The following PARN variants were observed in gnomAD, a reference collection of about 807,000 sequenced individuals.
The protein encoded by PARN is poly(A)-specific ribonuclease PARN.
In PARN, 71 loss-of-function variants were observed where a neutral mutation model predicts 102.8. The ratio of observed to expected loss-of-function variants is 0.69; its 90% CI spans 0.57 to 0.84. The LOEUF (loss-of-function observed/expected upper bound fraction) is 0.84. PARN is among the 40% of genes least tolerant of loss of function. The pLI is 0.00. For synonymous variants in PARN, 261 were observed against 252.9 expected, an observed-to-expected ratio of 1.03 and a Z score of -0.30; for missense variants, 782 against 760.9, an observed-to-expected ratio of 1.03 and a Z score of -0.33.
intron 21 of PARN, among the ~76,000 whole-genome samples, chr16:14,537,713 G>A (rs1272713563): frequency 6.6e-6 from 1 of 152,132 alleles, no homozygotes; most frequent in African/African-American, 2.4e-5. Flanking sequence ...TGATTCGTAT[G>A]TGGGAGCCGA....
At chr16:14,514,596 T>G (rs980030319) in intron 21 of PARN, among the ~76,000 whole-genome samples, 1 of 152,212 alleles carries the variant, frequency 6.6e-6, no homozygotes, top group Non-Finnish European at 1.5e-5. Flanking sequence ...TGAGGAAAGA[T>G]ATTTCCTCAG....
chr16:14,599,456 T>C (rs1344422406), intron 12 of PARN, among the ~76,000 whole-genome samples: 2 of 152,208 alleles, frequency 1.3e-5, no homozygotes, highest in Non-Finnish European at 2.9e-5. Context: ...ATATCAAATA[T>C]TATTAAGAAT....
At chr16:14,449,447 T>A (rs148595230) in intron 22 of PARN, among the ~76,000 whole-genome samples, 85 of 152,152 alleles carry the variant, frequency 5.6e-4, no homozygotes, top group African/African-American at 1.8e-3. Flanking sequence ...AAAATCCAGG[T>A]GTAGAAAAAG....
chr16:14,530,047 C>A (rs1966237022), intron 21 of PARN, among the ~76,000 whole-genome samples: 1 of 152,224 alleles, frequency 6.6e-6, no homozygotes, highest in African/African-American at 2.4e-5. Flanking sequence ...ATCCACTTGT[C>A]AAATGGCCCT....
intron 23 of PARN, among the ~76,000 whole-genome samples, chr16:14,446,684 C>T (rs1961213592): frequency 1.3e-5 from 2 of 152,120 alleles, no homozygotes; most frequent in South Asian, 4.1e-4. Context: ...AGGAGACCCC[C>T]CAGGCCTTAT....
At chr16:14,593,682 T>G (rs568109406) in intron 12 of PARN, among the ~76,000 whole-genome samples, 1 of 152,082 alleles carries the variant, frequency 6.6e-6, no homozygotes, top group Admixed American at 6.6e-5. Context: ...TAGTAAAATT[T>G]TGATTGAAAA....
intron 13 of PARN, among the ~76,000 whole-genome samples, chr16:14,591,194 T>C (rs1970173737): frequency 6.6e-6 from 1 of 151,482 alleles, no homozygotes; most frequent in Admixed American, 6.6e-5. Context: ...ATCGAGACCA[T>C]CCTGGCCAAC....
chr16:14,526,546 T>C (rs1239578432), intron 21 of PARN, among the ~76,000 whole-genome samples: 4 of 152,124 alleles, frequency 2.6e-5, no homozygotes, highest in Admixed American at 2.6e-4. Context: ...TGCAAGTTAA[T>C]AAGCAGCTGA....
intron 7 of PARN, among the ~76,000 whole-genome samples, chr16:14,609,988 G>A (rs1056882509): frequency 2.6e-5 from 4 of 151,832 alleles, no homozygotes; most frequent in Non-Finnish European, 5.9e-5. Flanking sequence ...GAGGCAGGAA[G>A]ATCCCTTGAG....
chr16:14,448,309 T>A (rs375839316), intron 22 of PARN, among the ~76,000 whole-genome samples: 3 of 152,316 alleles, frequency 2.0e-5, no homozygotes, highest in East Asian at 3.9e-4. Flanking sequence ...CCACGAAGTC[T>A]GGCTGATTTT....
At chr16:14,527,977 A>G (rs1596580547) in intron 21 of PARN, among the ~76,000 whole-genome samples, 1 of 152,240 alleles carries the variant, frequency 6.6e-6, no homozygotes, top group South Asian at 2.1e-4. Flanking sequence ...CCCAACCTGC[A>G]TATCCCTGGG....
chr16:14,555,622 C>G, intron 19 of PARN, 32 bp downstream of exon 19: 1 of 1,057,352 alleles, frequency 9.5e-7, no homozygotes, highest in Non-Finnish European at 1.4e-6. Flanking sequence ...CTTAAATGCA[C>G]AGATGCAATA....
chr16:14,541,360 T>C lies in PARN; in HGVS notation c.1480+10661A>G, dbSNP rs1377562861. ...TCTCTGGTTGACCCTAAACCATGCA[T>C]GTGGCAAACTGGGAGCAATCTAAGC... On this transcript the variant is annotated intron_variant, in intron 21 of 23. Transcript: ENST00000437198. Among the ~76,000 whole-genome samples, 3 of 152,176 alleles carry C rather than the reference T, an allele frequency of 2.0e-5. No homozygotes were observed. The East Asian group carries it at 5.8e-4, about 29-fold the overall frequency.
At chr16:14,513,717 G>A (rs1052904457) in intron 21 of PARN, among the ~76,000 whole-genome samples, 3 of 152,212 alleles carry the variant, frequency 2.0e-5, no homozygotes, top group East Asian at 3.9e-4. Flanking sequence ...CTTCATCATC[G>A]TGGAGCATTC....
chr16:14,585,101 T>C (rs1197105556), intron 14 of PARN, among the ~76,000 whole-genome samples: 1 of 152,186 alleles, frequency 6.6e-6, no homozygotes, highest in African/African-American at 2.4e-5. Context: ...TCAGAGAGCC[T>C]GGGCTCCATC....
chr16:14,618,070 C>A (rs1224271168), intron 5 of PARN, among the ~76,000 whole-genome samples: 1 of 152,100 alleles, frequency 6.6e-6, no homozygotes. Flanking sequence ...GCCTGTAATC[C>A]CAGCACTTTG....
chr16:14,531,672 T>C (rs1284487271), intron 21 of PARN, among the ~76,000 whole-genome samples: 1 of 152,160 alleles, frequency 6.6e-6, no homozygotes, highest in Non-Finnish European at 1.5e-5. Flanking sequence ...CTTTTGACTT[T>C]GTGCTACCAT....
chr16:14,474,475 G>C (rs560157017), intron 22 of PARN, among the ~76,000 whole-genome samples: 2 of 152,208 alleles, frequency 1.3e-5, no homozygotes, highest in Non-Finnish European at 2.9e-5. Flanking sequence ...CTATTTGAGA[G>C]AATCAAAGGG....
At position 14,555,796 on chromosome 16, in the gene PARN, A is replaced by G. The variant is rs1265098806; in HGVS notation, c.1263-87T>C. On this transcript the variant is annotated intron_variant, in intron 18 of 23. Coordinates refer to ENST00000437198, the MANE Select transcript of PARN (RefSeq NM_002582.4). ...TTTTTAAGGTTGAATTAGAAAAAAA[A>G]AATTTTAATAGGCATTTATTATATC... The G allele has an allele frequency of 3.4e-5, 20 of 588,278 alleles. No homozygotes were observed. The South Asian group carries it at 5.1e-4, about 15-fold the overall frequency. 36.4% of individuals were successfully genotyped at this position (588,278 alleles called of 1,614,324 possible).
Sources: gnomAD v4.1 joint callset for allele counts (sites outside exome capture counted in the v4.1 genomes callset) on GRCh38, gnomAD v4.1.1 for gene constraint, MANE v1.5 for transcripts, NCBI Gene and HGNC (gene_info 2026-07-23, HGNC 2026-07-21) for gene names.